Variants in GRIN3A observed in about 807,000 individuals in gnomAD.
The protein encoded by GRIN3A is glutamate ionotropic receptor NMDA type subunit 3A.
Under a neutral mutation model 92.4 loss-of-function variants are expected in GRIN3A, and 47 were observed. The observed-to-expected ratio is 0.51, with a 90% CI of 0.40 to 0.65. The LOEUF (loss-of-function observed/expected upper bound fraction) is 0.65, where lower values mean the gene tolerates loss of function less well. GRIN3A is among the 30% of genes least tolerant of loss of function. The pLI is 0.00. For missense variants in GRIN3A, 1,324 were observed against 1,393.1 expected (o/e 0.95, Z 0.79); for synonymous variants, 527 against 540.6 (o/e 0.97, Z 0.35).
intron 5 of GRIN3A, among the ~76,000 whole-genome samples, chr9:101,617,624 A>ATT (rs754419366): frequency 9.3e-5 from 14 of 150,836 alleles, no homozygotes; most frequent in African/African-American, 3.0e-4. Flanking sequence ...TATTTTATTT[A>ATT]TTTATTTTGT....
At chr9:101,720,957 C>G (rs1241608629) in intron 1 of GRIN3A, among the ~76,000 whole-genome samples, 1 of 152,132 alleles carries the variant, frequency 6.6e-6, no homozygotes, top group Non-Finnish European at 1.5e-5. Context: ...CACAAGTTTA[C>G]CTATGTAACA....
chr9:101,623,641 C>T (rs1253625532), intron 4 of GRIN3A, among the ~76,000 whole-genome samples: 1 of 152,180 alleles, frequency 6.6e-6, no homozygotes, highest in Non-Finnish European at 1.5e-5. Context: ...GACAGCATGA[C>T]ATCTTTCCAA....
chr9:101,690,623 A>C (rs1424224770), intron 1 of GRIN3A, among the ~76,000 whole-genome samples: 1 of 152,218 alleles, frequency 6.6e-6, no homozygotes, highest in Admixed American at 6.5e-5. Flanking sequence ...TGTAAATATT[A>C]AAGTTCCATA....
At position 101,588,051 on chromosome 9, in the gene GRIN3A, G is replaced by A. The variant is rs544978772; in HGVS notation, c.2767-8691C>T. On this transcript the variant is annotated intron_variant, in intron 6 of 8. Coordinates refer to ENST00000361820, the MANE Select transcript of GRIN3A (RefSeq NM_133445.3). ...CCTTGTTGGGGAGAAGTAGGAGAAT[G>A]ATATCCACATGAAATGTGGGCTCCA... is the stretch of plus-strand genomic sequence containing the variant. Among the ~76,000 whole-genome samples the A allele has an allele frequency of 3.3e-5, 5 of 152,280 alleles. No individual in the cohort carries two copies. In the South Asian group the frequency reaches 1.0e-3, roughly 32 times the overall value.
intron 1 of GRIN3A, among the ~76,000 whole-genome samples, chr9:101,697,557 A>C (rs1829699397): frequency 6.6e-6 from 1 of 152,334 alleles, no homozygotes; most frequent in African/African-American, 2.4e-5. Context: ...TTCAAATATA[A>C]CATTTGGGTT....
chr9:101,597,406 A>G (rs1363803758), intron 6 of GRIN3A, among the ~76,000 whole-genome samples: 1 of 152,186 alleles, frequency 6.6e-6, no homozygotes, highest in African/African-American at 2.4e-5. Flanking sequence ...CAGACAGAAC[A>G]ACAGATGGAC....
At chr9:101,658,740 G>GTCTA (rs376353286) in intron 3 of GRIN3A, among the ~76,000 whole-genome samples, 1 of 146,518 alleles carries the variant, frequency 6.8e-6, no homozygotes, top group Non-Finnish European at 1.5e-5. Context: ...CATGTTATTT[G>GTCTA]TCTATCTATC....
intron 5 of GRIN3A, 43 bp downstream of exon 5, chr9:101,623,275 G>C (rs1300920019): frequency 1.5e-6 from 2 of 1,341,904 alleles, no homozygotes; most frequent in Non-Finnish European, 2.1e-6. Flanking sequence ...GGCAAACTGA[G>C]CACATCCTGA....
At chr9:101,578,647 C>T (rs1044804062) in intron 7 of GRIN3A, among the ~76,000 whole-genome samples, 2 of 152,182 alleles carry the variant, frequency 1.3e-5, no homozygotes, top group Admixed American at 6.5e-5. Context: ...AACGAGTGTG[C>T]TTGAGTCACC....
In GRIN3A at chr9:101,655,561, A is replaced by G. The variant is rs193190603; in HGVS notation, c.2352+14499T>C. Among the ~76,000 whole-genome samples the G allele has an allele frequency of 2.2e-4, 34 of 152,092 alleles. No homozygotes were observed. In the East Asian group the frequency reaches 6.2e-3, roughly 28 times the overall value. On this transcript the variant is annotated intron_variant, in intron 3 of 8. Transcript: ENST00000361820. ...TTGTATGCTTAATATGTTTTTGAAT[A>G]TAGTTTAATATGAGGCAGCACATTG...
chr9:101,601,657 G>T (rs937511329), intron 6 of GRIN3A, among the ~76,000 whole-genome samples: 18 of 152,258 alleles, frequency 1.2e-4, no homozygotes, highest in Admixed American at 1.1e-3. Flanking sequence ...ACCCTTGCTT[G>T]CCTCTTCCTA....
chr9:101,645,636 C>T (rs1828927637), intron 3 of GRIN3A, among the ~76,000 whole-genome samples: 2 of 150,230 alleles, frequency 1.3e-5, no homozygotes, highest in Admixed American at 1.3e-4. Flanking sequence ...ACATTCCTAC[C>T]AAGAGTGTAC....
At chr9:101,679,921 A>G (rs1445815098) in intron 2 of GRIN3A, among the ~76,000 whole-genome samples, 2 of 152,218 alleles carry the variant, frequency 1.3e-5, no homozygotes, top group Non-Finnish European at 2.9e-5. Flanking sequence ...AATTAAGAAA[A>G]TTACTGTATG....
Position 101,670,271 on chromosome 9 carries a change from A to G in GRIN3A, c.2141T>C (p.Phe714Ser), listed in dbSNP as rs1172304298. 1.9e-6 allele frequency: 3 copies of G among 1,614,012 alleles called. No homozygotes were observed. Among genetic ancestry groups the G allele is most frequent in the Non-Finnish European group, 2.5e-6 (3 of 1,179,920 alleles). Residue 714 changes from phenylalanine to serine, a missense_variant, in exon 3 of 9, where the codon TTC becomes TCC. Physicochemically the swap from Phe to Ser is radical, Grantham distance 155. Coordinates refer to ENST00000361820, the MANE Select transcript of GRIN3A (RefSeq NM_133445.3). ...GATGTTCAAGGCTGAAGAAAAGGAG[A>G]AGACTTTACTTCTATTTCGCCCCTT... Reference protein sequence around the residue: ...TPKGRNRSKVFSFSSALNICY... With the variant: ...TPKGRNRSKVSSFSSALNICY...
chr9:101,670,915 C>T lies in GRIN3A; in HGVS notation c.1497G>A (p.Gln499=), dbSNP rs1465278151. Residue 499 remains glutamine (Q), a synonymous_variant, in exon 3 of 9, where the codon CAG becomes CAA. Transcript: ENST00000361820. ...IVMDYGIWPE[Q]AQRHKTHFQH... The stretch of plus-strand genomic sequence containing the variant: ...GGAAGTGGGTTTTGTGTCTCTGGGC[C>T]TGCTCTGGCCATATTCCATAGTCCA... The T allele has an allele frequency of 1.9e-6, 3 of 1,613,072 alleles. No homozygotes were observed. The highest frequency in any genetic ancestry group is 3.3e-5 in the Admixed American group (2 of 59,914).
Position 101,573,439 on chromosome 9 carries a change from A to T in GRIN3A, c.3083T>A (p.Ile1028Asn), listed in dbSNP as rs755464674. The T allele has an allele frequency of 1.2e-6, 2 of 1,613,874 alleles. No individual in the cohort carries two copies. The highest frequency in any genetic ancestry group is 1.7e-6 in the Non-Finnish European group (2 of 1,179,978). Residue 1028 changes from isoleucine to asparagine, a missense_variant, in exon 9 of 9, where the codon ATC becomes AAC. Ile to Asn is a moderately radical substitution (Grantham distance 149). Transcript: ENST00000361820. ...GTTTTGTCCTTCCTCATCACTAAAG[A>T]TGTATTTCCGTCGGTTGTCATGACT... ...NLSHDNRRKYIFSDEEGQNQL... is the reference protein window; with the variant it reads ...NLSHDNRRKYNFSDEEGQNQL...
intron 1 of GRIN3A, among the ~76,000 whole-genome samples, chr9:101,730,301 A>G (rs991669237): frequency 2.6e-5 from 4 of 152,174 alleles, no homozygotes; most frequent in African/African-American, 9.7e-5. Context: ...CCTGAATATT[A>G]TAGACACATT....
chr9:101,730,354 T>C (rs565353699), intron 1 of GRIN3A, among the ~76,000 whole-genome samples: 14 of 152,292 alleles, frequency 9.2e-5, no homozygotes, highest in African/African-American at 2.9e-4. Context: ...CTTTTTCTGA[T>C]TAGTTTTTAT....
intron 1 of GRIN3A, among the ~76,000 whole-genome samples, 190 bp downstream of exon 1, chr9:101,737,091 A>G (rs1323411861): frequency 6.6e-6 from 1 of 152,114 alleles, no homozygotes; most frequent in Non-Finnish European, 1.5e-5. Context: ...CGCGCTTTAA[A>G]TATTTTATTC....
Sources: gnomAD v4.1 joint callset for allele counts (sites outside exome capture counted in the v4.1 genomes callset) on GRCh38, gnomAD v4.1.1 for gene constraint, MANE v1.5 for transcripts, NCBI Gene and HGNC (gene_info 2026-07-23, HGNC 2026-07-21) for gene names.